Variants in CBLB observed in about 807,000 individuals in gnomAD.
The protein encoded by CBLB is Cbl proto-oncogene B.
CBLB carries 31 observed loss-of-function variants against 104.9 expected under a neutral mutation model. The observed-to-expected ratio is 0.30, with a 90% CI of 0.22 to 0.40. The LOEUF (loss-of-function observed/expected upper bound fraction) is 0.40. Among genes scored for constraint, CBLB ranks in the 10% least tolerant of loss-of-function variants. The probability of loss-of-function intolerance (pLI) is 1.00; values close to 1 mark genes in which losing one functional copy is unlikely to be tolerated. For missense variants in CBLB, 1,062 were observed against 1,214.6 expected, an observed-to-expected ratio of 0.87 and a Z score of 1.87; for synonymous variants, 440 against 422.6, an observed-to-expected ratio of 1.04 and a Z score of -0.51.
At chr3:105,662,513 A>G (rs942290112) in intron 18 of CBLB, among the ~76,000 whole-genome samples, 1 of 152,218 alleles carries the variant, frequency 6.6e-6, no homozygotes. Flanking sequence ...GAGTAATTGC[A>G]GTGGTATCAA....
At chr3:105,854,725 C>T (rs866437293) in intron 2 of CBLB, among the ~76,000 whole-genome samples, 6 of 152,000 alleles carry the variant, frequency 3.9e-5, no homozygotes, top group African/African-American at 1.2e-4. Context: ...CTCTGCCTCC[C>T]GGGTTCAAGT....
At chr3:105,789,859 T>A (rs963653165) in intron 3 of CBLB, among the ~76,000 whole-genome samples, 1 of 152,202 alleles carries the variant, frequency 6.6e-6, no homozygotes, top group African/African-American at 2.4e-5. Flanking sequence ...CTATTAATAA[T>A]CCTACTTATT....
chr3:105,685,506 T>C, intron 13 of CBLB, 40 bp from the exon 14 acceptor site: 2 of 1,558,228 alleles, frequency 1.3e-6, no homozygotes, highest in Non-Finnish European at 1.8e-6. Flanking sequence ...TTAAGCATAA[T>C]ATTCAAAACA....
At chr3:105,783,210 T>C (rs917233396) in intron 3 of CBLB, among the ~76,000 whole-genome samples, 2 of 152,226 alleles carry the variant, frequency 1.3e-5, no homozygotes, top group African/African-American at 4.8e-5. Context: ...TTACTTAACC[T>C]GTTTCCTCAT....
chr3:105,695,699 G>A (rs190463322), intron 12 of CBLB, among the ~76,000 whole-genome samples: 4 of 151,764 alleles, frequency 2.6e-5, no homozygotes, highest in East Asian at 1.9e-4. Context: ...GATTTCTATG[G>A]CCACTGAAAT....
intron 3 of CBLB, among the ~76,000 whole-genome samples, chr3:105,790,744 T>C (rs1270685780): frequency 1.3e-5 from 2 of 152,196 alleles, no homozygotes; most frequent in Non-Finnish European, 2.9e-5. Flanking sequence ...CAGAAGAACG[T>C]GCCAGGCAAC....
At position 105,868,916 on chromosome 3, in the gene CBLB, A is replaced by G; in HGVS notation, c.-195T>C. 1 of 1,011,482 alleles carries G rather than the reference A, an allele frequency of 9.9e-7. No homozygotes were observed. The highest frequency in any genetic ancestry group is 1.2e-6 in the Non-Finnish European group (1 of 846,986). The allele number at this position is 1,011,482 out of a possible 1,614,324, so 62.7% of individuals were successfully genotyped here. The stretch of plus-strand genomic sequence containing the variant: ...ACGTGGAAACGCAACAATTACCGTC[A>G]AGACAAATCCACACCCGCTCTCCCC... On this transcript the variant is annotated 5_prime_UTR_variant, in exon 1 of 19. Coordinates refer to ENST00000394030, the MANE Select transcript of CBLB (RefSeq NM_170662.5).
chr3:105,687,182 T>G (rs1398695203), intron 13 of CBLB, among the ~76,000 whole-genome samples: 1 of 152,124 alleles, frequency 6.6e-6, no homozygotes, highest in Non-Finnish European at 1.5e-5. Flanking sequence ...TTCTATGCAA[T>G]TCAAGCATAC....
At chr3:105,698,799 C>A (rs553336858) in intron 12 of CBLB, among the ~76,000 whole-genome samples, 49 of 152,096 alleles carry the variant, frequency 3.2e-4, no homozygotes, top group African/African-American at 1.2e-3. Flanking sequence ...AAATCTTAGT[C>A]TTTTTAAAAA....
chr3:105,662,526 T>G (rs2063887978), intron 18 of CBLB, among the ~76,000 whole-genome samples: 1 of 152,172 alleles, frequency 6.6e-6, no homozygotes, highest in Non-Finnish European at 1.5e-5. Context: ...GGTATCAAAA[T>G]AAGTACAAGA....
chr3:105,721,936 T>C (rs1215576803), intron 9 of CBLB, among the ~76,000 whole-genome samples: 2 of 152,078 alleles, frequency 1.3e-5, no homozygotes. Flanking sequence ...AGTGGAATAC[T>C]TTTACAGATT....
intron 2 of CBLB, among the ~76,000 whole-genome samples, chr3:105,856,348 CAAAAAAAAAAA>C (rs1169479720): frequency 6.4e-5 from 2 of 31,092 alleles, no homozygotes; most frequent in Non-Finnish European, 1.3e-4. Context: ...GACTCCATCT[CAAAAAAAAAAA>C]AAAAAAAAAG....
At chr3:105,864,342 C>T (rs918846718) in intron 2 of CBLB, among the ~76,000 whole-genome samples, 1 of 152,148 alleles carries the variant, frequency 6.6e-6, no homozygotes, top group African/African-American at 2.4e-5. Flanking sequence ...ACACAGTAGG[C>T]CCTCAAAAAA....
chr3:105,779,798 T>G (rs754551725), intron 3 of CBLB, among the ~76,000 whole-genome samples: 2 of 152,198 alleles, frequency 1.3e-5, no homozygotes, highest in Non-Finnish European at 2.9e-5. Context: ...TTGTTTACAA[T>G]GTTTTGCTAT....
rs912178203 is a variant in CBLB, at chr3:105,678,698, G to A, written c.2429-127C>T. Reference sequence around the variant, plus strand: ...GAATTTCACTCGCAGGGTTTATCCAGCAGTTCACCAACTTTGATAATGGGA... The same window carrying A: ...GAATTTCACTCGCAGGGTTTATCCAACAGTTCACCAACTTTGATAATGGGA... On this transcript the variant is annotated intron_variant, in intron 16 of 18. Coordinates refer to ENST00000394030, the MANE Select transcript of CBLB (RefSeq NM_170662.5). 2.8e-6 allele frequency: 3 copies of A among 1,064,418 alleles called. No homozygotes were observed. In the African/African-American group the frequency reaches 4.7e-5, roughly 17 times the overall value. The allele number at this position is 1,064,418 out of a possible 1,614,324, so 65.9% of individuals were successfully genotyped here.
intron 17 of CBLB, chr3:105,673,235 A>G (rs1186873147): frequency 2.0e-5 from 3 of 152,016 alleles, no homozygotes. Flanking sequence ...ACACCCGGCT[A>G]ATTTTTGTAT....
At chr3:105,669,375 A>G (rs527962900) in intron 18 of CBLB, among the ~76,000 whole-genome samples, 2 of 152,306 alleles carry the variant, frequency 1.3e-5, no homozygotes, top group African/African-American at 2.4e-5. Context: ...GCAGTTATCT[A>G]TGAACCTGGA....
At chr3:105,798,278 T>C (rs1490900291) in intron 3 of CBLB, among the ~76,000 whole-genome samples, 1 of 152,202 alleles carries the variant, frequency 6.6e-6, no homozygotes, top group African/African-American at 2.4e-5. Flanking sequence ...CATTTGAATG[T>C]ATTACTTATT....
At chr3:105,828,023 C>A (rs879891267) in intron 3 of CBLB, among the ~76,000 whole-genome samples, 1 of 152,174 alleles carries the variant, frequency 6.6e-6, no homozygotes, top group Non-Finnish European at 1.5e-5. Context: ...ATTTCCTTCT[C>A]GCCTAAGCAA....
Sources: allele counts gnomAD v4.1 joint callset (sites outside exome capture counted in the v4.1 genomes callset), GRCh38; gene constraint gnomAD v4.1.1; transcripts MANE v1.5; gene names NCBI Gene and HGNC (gene_info 2026-07-23, HGNC 2026-07-21).